The following LRRC58 variants were observed in gnomAD, a reference collection of about 807,000 sequenced individuals.
The protein encoded by LRRC58 is leucine-rich repeat-containing protein 58.
LRRC58 carries 18 observed loss-of-function variants against 30.6 expected under a neutral mutation model. That is an observed-to-expected ratio of 0.59 (90% CI 0.41 to 0.87). The LOEUF (loss-of-function observed/expected upper bound fraction) is 0.87, where lower values mean the gene tolerates loss of function less well. Among genes scored for constraint, LRRC58 ranks in the 40% least tolerant of loss-of-function variants. LRRC58 has a pLI of 0.00. For missense variants in LRRC58, 420 were observed against 468.4 expected (o/e 0.90, Z 0.95); for synonymous variants, 221 against 206.0 (o/e 1.07, Z -0.62).
intron 1 of LRRC58, among the ~76,000 whole-genome samples, chr3:120,344,166 T>C (rs1935939319): frequency 6.6e-6 from 1 of 152,064 alleles, no homozygotes; most frequent in African/African-American, 2.4e-5. Context: ...GATAGGAATG[T>C]ACAAAGAAGT....
rs1422503370 is a variant in LRRC58 at position 120,328,641 on chromosome 3, TG to T, written c.*2558del. The T allele has an allele frequency of 6.6e-6, 1 of 152,202 alleles. No homozygotes were observed. The highest frequency in any genetic ancestry group is 1.5e-5 in the Non-Finnish European group (1 of 68,030). 9.4% of individuals were successfully genotyped at this position (152,202 alleles called of 1,614,324 possible). A position where few individuals can be genotyped will look rare whatever the true frequency, so the allele number is the denominator to read the frequency against. On this transcript the variant is annotated 3_prime_UTR_variant, in exon 4 of 4. Transcript: ENST00000295628. Reference sequence around the variant, plus strand: ...TAAATGCATAGTTAGCTACATGACTTGGGAGCTGATTATCTGGTTTCTAGAT... The same window carrying T: ...TAAATGCATAGTTAGCTACATGACTTGGAGCTGATTATCTGGTTTCTAGAT...
chr3:120,335,678 G>A lies in LRRC58; in HGVS notation c.629+147C>T, dbSNP rs537397868. The A allele has an allele frequency of 9.2e-5, 58 of 632,908 alleles. No homozygotes were observed. The South Asian group carries it at 2.3e-3, about 25-fold the overall frequency. The allele number at this position is 632,908 out of a possible 1,614,324, so 39.2% of individuals were successfully genotyped here. A position where few individuals can be genotyped will look rare whatever the true frequency, so the allele number is the denominator to read the frequency against. On this transcript the variant is annotated intron_variant, in intron 2 of 3. Coordinates refer to ENST00000295628, the MANE Select transcript of LRRC58 (RefSeq NM_001099678.2). ...AAGTGAAATTAAAAAAACTCAGCTTGCAGCAAACCTCAGAACTATAATTAA... is the reference window on the plus strand; with the variant it reads ...AAGTGAAATTAAAAAAACTCAGCTTACAGCAAACCTCAGAACTATAATTAA...
chr3:120,333,609 C>T (rs755084780), intron 3 of LRRC58, among the ~76,000 whole-genome samples: 1 of 152,192 alleles, frequency 6.6e-6, no homozygotes, highest in Non-Finnish European at 1.5e-5. Context: ...GAAAGTCTCA[C>T]CTGGTTTTGA....
intron 1 of LRRC58, among the ~76,000 whole-genome samples, chr3:120,347,376 A>ATTTTTTTT (rs1208688984): frequency 3.9e-5 from 2 of 51,100 alleles, no homozygotes; most frequent in Non-Finnish European, 7.6e-5. Flanking sequence ...CCAGGCCAAT[A>ATTTTTTTT]TTCTTTTTTT....
chr3:120,346,979 C>G (rs1213833103), intron 1 of LRRC58, among the ~76,000 whole-genome samples: 1 of 152,222 alleles, frequency 6.6e-6, no homozygotes, highest in Non-Finnish European at 1.5e-5. Flanking sequence ...GCCACTTTCC[C>G]TCTTGCTCAC....
intron 1 of LRRC58, among the ~76,000 whole-genome samples, chr3:120,341,354 A>G (rs1391605731): frequency 9.9e-5 from 15 of 152,240 alleles, no homozygotes; most frequent in Admixed American, 3.3e-4. Flanking sequence ...AGCAAACCTC[A>G]AAGTCCTTTT....
intron 1 of LRRC58, among the ~76,000 whole-genome samples, chr3:120,341,375 T>A (rs987799635): frequency 6.6e-6 from 1 of 152,180 alleles, no homozygotes; most frequent in Non-Finnish European, 1.5e-5. Context: ...TACAAAGGAT[T>A]TGATAGCTAA....
chr3:120,331,483 G>A, intron 3 of LRRC58, 75 bp from the exon 4 acceptor site: 1 of 1,106,210 alleles, frequency 9.0e-7, no homozygotes, highest in East Asian at 2.4e-5. Flanking sequence ...TTTCTCCAGT[G>A]TTCTGGAGAA....
chr3:120,334,441 G>A (rs1432982020), intron 3 of LRRC58, among the ~76,000 whole-genome samples: 4 of 152,150 alleles, frequency 2.6e-5, no homozygotes. Context: ...CTGGGAGGCA[G>A]AGTTTGCAAT....
chr3:120,336,885 AT>A (rs1490865224), intron 1 of LRRC58, among the ~76,000 whole-genome samples: 1 of 136,732 alleles, frequency 7.3e-6, no homozygotes, highest in East Asian at 1.9e-4. Context: ...TATACTATAA[AT>A]AAATAAATAA....
At chr3:120,344,377 C>CA (rs1203198734) in intron 1 of LRRC58, among the ~76,000 whole-genome samples, 1 of 152,138 alleles carries the variant, frequency 6.6e-6, no homozygotes, top group Non-Finnish European at 1.5e-5. Context: ...TAAAAAAAGT[C>CA]AGAGGGACGA....
At chr3:120,348,068 G>A (rs189712501) in intron 1 of LRRC58, among the ~76,000 whole-genome samples, 3 of 152,266 alleles carry the variant, frequency 2.0e-5, no homozygotes, top group African/African-American at 7.2e-5. Flanking sequence ...AAATTGTTGT[G>A]CAGGGAGTAG....
Position 120,328,852 on chromosome 3 carries a change from G to C in LRRC58, c.*2348C>G, listed in dbSNP as rs1204370234. On this transcript the variant is annotated 3_prime_UTR_variant, in exon 4 of 4. Coordinates refer to ENST00000295628, the MANE Select transcript of LRRC58 (RefSeq NM_001099678.2). Reference sequence around the variant, plus strand: ...TAGACTTCATTAAAAATTACCAAAAGACAGTTGTATGCTGATCATAGAGTT... The same window carrying C: ...TAGACTTCATTAAAAATTACCAAAACACAGTTGTATGCTGATCATAGAGTT... 2 of 152,162 alleles carry C rather than the reference G, an allele frequency of 1.3e-5. No homozygotes were observed. 9.4% of individuals were successfully genotyped at this position (152,162 alleles called of 1,614,324 possible).
intron 1 of LRRC58, among the ~76,000 whole-genome samples, chr3:120,337,064 T>C (rs375568115): frequency 6.6e-6 from 1 of 152,072 alleles, no homozygotes; most frequent in Non-Finnish European, 1.5e-5. Flanking sequence ...GAATTCCCTA[T>C]GATATTTTTA....
At position 120,349,041 on chromosome 3, in the gene LRRC58, G is replaced by T; in HGVS notation, c.203C>A (p.Pro68Gln). 1 of 1,518,534 alleles carries T rather than the reference G, an allele frequency of 6.6e-7. No homozygotes were observed. The highest frequency in any genetic ancestry group is 8.8e-7 in the Non-Finnish European group (1 of 1,141,164). 94.1% of individuals were successfully genotyped at this position (1,518,534 alleles called of 1,614,324 possible). A position where few individuals can be genotyped will look rare whatever the true frequency, so the allele number is the denominator to read the frequency against. The change falls in exon 1 of 4, where the codon CCG (proline) becomes CAG (glutamine). Residue 68 changes from proline (P) to glutamine (Q), a missense_variant. Physicochemically the swap from Pro to Gln is moderately conservative, Grantham distance 76 (BLOSUM62 -1). This residue lies in a region of LRRC58 where 266 missense variants were observed against 251.7 expected (regional missense o/e 1.06). Transcript: ENST00000295628. ...GCTCACGTCCAGCAGCTGGAGGTGC[G>T]GGAAGCCGCTGCCCAGCGCCCGTGG... The part of the protein sequence containing the change: ...SLPRALGSGF[P>Q]HLQLLDVSGN...
chr3:120,343,894 C>G (rs778216086), intron 1 of LRRC58, among the ~76,000 whole-genome samples: 1 of 151,950 alleles, frequency 6.6e-6, no homozygotes, highest in East Asian at 1.9e-4. Context: ...AAAAAATTAG[C>G]CTGGTGTGGT....
intron 1 of LRRC58, among the ~76,000 whole-genome samples, chr3:120,348,076 T>C (rs1312912604): frequency 6.6e-6 from 1 of 151,500 alleles, no homozygotes; most frequent in Non-Finnish European, 1.5e-5. Flanking sequence ...GTGCAGGGAG[T>C]AGTAAAAAAG....
chr3:120,332,689 A>C (rs1423878079), intron 3 of LRRC58, among the ~76,000 whole-genome samples: 1 of 152,208 alleles, frequency 6.6e-6, no homozygotes, highest in African/African-American at 2.4e-5. Context: ...TTAATAACTA[A>C]CGAATTTGAG....
At chr3:120,339,015 A>C (rs1935870540) in intron 1 of LRRC58, among the ~76,000 whole-genome samples, 1 of 152,124 alleles carries the variant, frequency 6.6e-6, no homozygotes. Context: ...CTTATAACTT[A>C]TTGGTGTATT....
Sources: gnomAD v4.1 joint callset for allele counts (sites outside exome capture counted in the v4.1 genomes callset) on GRCh38, gnomAD v4.1.1 for gene constraint, gnomAD v4.1.1 regional missense constraint, MANE v1.5 for transcripts, NCBI Gene and HGNC (gene_info 2026-07-23, HGNC 2026-07-21) for gene names.